Variants in TMEM117 observed in about 807,000 individuals in gnomAD.
TMEM117 encodes transmembrane protein 117.
Under a neutral mutation model 52.4 loss-of-function variants are expected in TMEM117, and 27 were observed. The observed-to-expected ratio is 0.51, with a 90% CI of 0.38 to 0.71. TMEM117 has a LOEUF of 0.71. Ranked by LOEUF, TMEM117 falls within the 30% of genes least tolerant of loss-of-function variation. The pLI is 0.00. For synonymous variants in TMEM117, 215 were observed against 206.3 expected (o/e 1.04, Z -0.36); for missense variants, 556 against 630.5 (o/e 0.88, Z 1.26).
At chr12:44,167,436 A>G (rs1948983228) in intron 4 of TMEM117, among the ~76,000 whole-genome samples, 1 of 152,120 alleles carries the variant, frequency 6.6e-6, no homozygotes, top group Admixed American at 6.5e-5. Context: ...TGGGAGGCCG[A>G]GGCGGGCAGA....
Position 43,902,477 on chromosome 12 carries a change from T to G in TMEM117, c.278-41733T>G, listed in dbSNP as rs147456071. The stretch of plus-strand genomic sequence containing the variant: ...AACTAATAGCAAGGTTGACTTGATA[T>G]CTAGTGCTCTACATTGAGCTAAAGT... On this transcript the variant is annotated intron_variant, in intron 2 of 7. Coordinates refer to ENST00000266534, the MANE Select transcript of TMEM117 (RefSeq NM_032256.3). 9.8e-4 allele frequency among the ~76,000 whole-genome samples: 149 copies of G among 152,290 alleles called. 1 individual carries two copies. In the East Asian group the frequency reaches 0.025, roughly 25 times the overall value.
At chr12:43,818,809 A>G in the TMEM117 span, among the ~76,000 whole-genome samples, 2 of 152,234 alleles carry the variant, frequency 1.3e-5, no homozygotes, top group African/African-American at 4.8e-5. Flanking sequence ...ATTTTGATAC[A>G]CATTTTAATG....
intron 3 of TMEM117, among the ~76,000 whole-genome samples, chr12:43,999,524 G>T (rs767402734): frequency 8.5e-5 from 13 of 152,146 alleles, no homozygotes; most frequent in Admixed American, 2.6e-4. Flanking sequence ...GTGTTGCCCG[G>T]GCTGGAGTGC....
intron 5 of TMEM117, among the ~76,000 whole-genome samples, chr12:44,274,468 G>A (rs927413807): frequency 1.3e-5 from 2 of 151,964 alleles, no homozygotes; most frequent in Non-Finnish European, 2.9e-5. Context: ...AAAAATATAT[G>A]TAACAACAAG....
intron 3 of TMEM117, among the ~76,000 whole-genome samples, chr12:43,971,164 T>C (rs190912762): frequency 6.6e-6 from 1 of 152,310 alleles, no homozygotes; most frequent in Admixed American, 6.5e-5. Flanking sequence ...ACCTGCTAAG[T>C]ATCTCTCAAA....
intron 4 of TMEM117, among the ~76,000 whole-genome samples, chr12:44,210,248 G>GA (rs1245454365): frequency 6.6e-6 from 1 of 151,940 alleles, no homozygotes; most frequent in Non-Finnish European, 1.5e-5. Flanking sequence ...TCTGGGAGTG[G>GA]AAAAAATGTG....
intron 3 of TMEM117, among the ~76,000 whole-genome samples, chr12:43,984,268 T>G (rs1301325021): frequency 2.0e-5 from 3 of 152,046 alleles, no homozygotes; most frequent in Non-Finnish European, 4.4e-5. Context: ...TTCGGGAGGC[T>G]GAGGCATGAG....
At chr12:43,959,555 TATTG>T (rs1945368288) in intron 3 of TMEM117, among the ~76,000 whole-genome samples, 1 of 152,164 alleles carries the variant, frequency 6.6e-6, no homozygotes, top group African/African-American at 2.4e-5. Flanking sequence ...TTCTAGTCAA[TATTG>T]ATTGAGTAGT....
chr12:44,066,758 T>C (rs1211919250), intron 3 of TMEM117, among the ~76,000 whole-genome samples: 1 of 152,204 alleles, frequency 6.6e-6, no homozygotes, highest in African/African-American at 2.4e-5. Flanking sequence ...TTGATGATAA[T>C]GGCTGCTGAC....
chr12:44,258,432 T>C (rs1950284617), intron 5 of TMEM117, among the ~76,000 whole-genome samples: 3 of 152,062 alleles, frequency 2.0e-5, no homozygotes, highest in Admixed American at 6.6e-5. Flanking sequence ...TGGAAAACAT[T>C]TTTTCTTCTT....
the TMEM117 span, chr12:43,804,272 C>G: frequency 1.9e-6 from 1 of 529,050 alleles, no homozygotes; most frequent in Non-Finnish European, 3.5e-6. Flanking sequence ...AGGAAGAAGT[C>G]ACATCAAAAA....
intron 2 of TMEM117, among the ~76,000 whole-genome samples, chr12:43,921,089 G>A (rs1944686043): frequency 1.3e-5 from 2 of 152,006 alleles, no homozygotes; most frequent in Admixed American, 6.6e-5. Flanking sequence ...TTAAAATAAT[G>A]TGATCTTTTC....
rs1476386487 is a variant in TMEM117 at position 44,180,442 on chromosome 12, C to T, written c.511-30848C>T. ...TATGTATACATGTGCCATGCTGGTG[C>T]GCTGCACCCACTAACTCGTCATCTA... is the stretch of plus-strand genomic sequence containing the variant. On this transcript the variant is annotated intron_variant, in intron 4 of 7. Transcript: ENST00000266534. 9.3e-5 allele frequency among the ~76,000 whole-genome samples: 14 copies of T among 150,546 alleles called. 1 individual carries two copies. The highest frequency in any genetic ancestry group is 4.2e-4 in the South Asian group (2 of 4,736).
chr12:43,950,085 G>A (rs983750067), intron 3 of TMEM117, among the ~76,000 whole-genome samples: 3 of 152,078 alleles, frequency 2.0e-5, no homozygotes, highest in African/African-American at 4.8e-5. Context: ...AAATCATATT[G>A]ATGCATTTTC....
intron 5 of TMEM117, among the ~76,000 whole-genome samples, chr12:44,235,487 T>G (rs1278527009): frequency 1.3e-5 from 2 of 151,700 alleles, no homozygotes; most frequent in African/African-American, 4.8e-5. Flanking sequence ...TTTTTTGATG[T>G]TTTTGATTGG....
intron 4 of TMEM117, among the ~76,000 whole-genome samples, chr12:44,144,474 C>T (rs1229306387): frequency 2.0e-5 from 3 of 152,214 alleles, no homozygotes; most frequent in Non-Finnish European, 4.4e-5. Flanking sequence ...ATGCCTGACT[C>T]AGACAAGACT....
chr12:44,009,523 C>A, intron 3 of TMEM117: 1 of 217,992 alleles, frequency 4.6e-6, no homozygotes, highest in South Asian at 9.3e-5. Context: ...AGGCTAAAAC[C>A]TGTTGAGCAT....
At chr12:44,384,018 G>A (rs1952055677) in intron 7 of TMEM117, among the ~76,000 whole-genome samples, 1 of 152,092 alleles carries the variant, frequency 6.6e-6, no homozygotes. Flanking sequence ...GGATTATCTA[G>A]CTCAACTCCC....
chr12:44,315,432 A>G (rs994547101), intron 6 of TMEM117, among the ~76,000 whole-genome samples: 2 of 152,152 alleles, frequency 1.3e-5, no homozygotes, highest in African/African-American at 4.8e-5. Context: ...TTCATCCAAG[A>G]GATTTTGCTA....
Sources: gnomAD v4.1 joint callset for allele counts (sites outside exome capture counted in the v4.1 genomes callset) on GRCh38, gnomAD v4.1.1 for gene constraint, MANE v1.5 for transcripts, NCBI Gene and HGNC (gene_info 2026-07-23, HGNC 2026-07-21) for gene names.